The following IPCEF1 variants were observed in gnomAD, a reference collection of about 807,000 sequenced individuals.
IPCEF1 encodes interaction protein for cytohesin exchange factors 1, also known as interactor protein for cytohesin exchange factors 1.
IPCEF1 carries 31 observed loss-of-function variants against 50.9 expected under a neutral mutation model. The ratio of observed to expected loss-of-function variants is 0.61; its 90% CI spans 0.46 to 0.82. The LOEUF (loss-of-function observed/expected upper bound fraction) is 0.82, where lower values mean the gene tolerates loss of function less well. Among genes scored for constraint, IPCEF1 ranks in the 40% least tolerant of loss-of-function variants. The probability of loss-of-function intolerance (pLI) is 0.00; values close to 1 mark genes in which losing one functional copy is unlikely to be tolerated. For synonymous variants in IPCEF1, 181 were observed against 192.0 expected, an observed-to-expected ratio of 0.94 and a Z score of 0.47; for missense variants, 458 against 514.0, an observed-to-expected ratio of 0.89 and a Z score of 1.05.
At chr6:154,313,384 A>G (rs1287011581) in intron 1 of IPCEF1, among the ~76,000 whole-genome samples, 3 of 152,010 alleles carry the variant, frequency 2.0e-5, no homozygotes, top group Non-Finnish European at 2.9e-5. Context: ...CAAAAAAAAA[A>G]AGAAAAAGAA....
chr6:154,171,383 C>G (rs917863348), intron 10 of IPCEF1, among the ~76,000 whole-genome samples: 1 of 152,042 alleles, frequency 6.6e-6, no homozygotes, highest in Non-Finnish European at 1.5e-5. Context: ...CCACATATTG[C>G]GTGATTCCAT....
rs540045470 is a variant in IPCEF1, at chr6:154,217,829, G to A, written c.392+3428C>T. 3.9e-5 allele frequency among the ~76,000 whole-genome samples: 6 copies of A among 152,088 alleles called. No homozygotes were observed. In the South Asian group the frequency reaches 1.2e-3, roughly 32 times the overall value. ...AATAGGGAAAATATTTTTTTAAAGA[G>A]ACAAAAAAATTGTTTTCACTTGAGT... On this transcript the variant is annotated intron_variant, in intron 7 of 11. Transcript: ENST00000367220.
chr6:154,187,246 C>A (rs9479784), intron 10 of IPCEF1, among the ~76,000 whole-genome samples: 8,551 of 152,192 alleles, frequency 0.056, 284 homozygotes, highest in African/African-American at 0.065. Flanking sequence ...CCACCCCATA[C>A]CCCACCTCTG....
intron 1 of IPCEF1, among the ~76,000 whole-genome samples, chr6:154,342,864 G>A (rs1339983845): frequency 2.0e-5 from 3 of 152,216 alleles, no homozygotes; most frequent in African/African-American, 7.2e-5. Context: ...TGTAATCCCA[G>A]CACTTTGGGA....
chr6:154,294,269 A>C (rs1782582676), intron 1 of IPCEF1, among the ~76,000 whole-genome samples: 1 of 152,204 alleles, frequency 6.6e-6, no homozygotes, highest in East Asian at 1.9e-4. Flanking sequence ...CTAAGAAGCA[A>C]TTTATCTGCT....
intron 10 of IPCEF1, among the ~76,000 whole-genome samples, chr6:154,173,769 C>G (rs990033913): frequency 2.0e-4 from 30 of 152,196 alleles, no homozygotes; most frequent in Non-Finnish European, 3.5e-4. Context: ...TCCAGGAGAA[C>G]TTCCCCAACC....
chr6:154,250,080 T>G (rs1781299359), intron 3 of IPCEF1, among the ~76,000 whole-genome samples: 1 of 152,128 alleles, frequency 6.6e-6, no homozygotes, highest in Non-Finnish European at 1.5e-5. Context: ...GAGTTTCAGT[T>G]TCACCTAACA....
intron 5 of IPCEF1, among the ~76,000 whole-genome samples, chr6:154,240,337 G>C (rs1780480034): frequency 6.6e-6 from 1 of 152,184 alleles, no homozygotes. Flanking sequence ...AGCTGGGGGA[G>C]AAAGAATATA....
chr6:154,280,318 T>C (rs1209794577), intron 2 of IPCEF1, among the ~76,000 whole-genome samples: 2 of 152,166 alleles, frequency 1.3e-5, no homozygotes, highest in Non-Finnish European at 2.9e-5. Flanking sequence ...ATAATCCCAG[T>C]GCTTTGAGAG....
intron 7 of IPCEF1, among the ~76,000 whole-genome samples, chr6:154,214,855 G>A (rs1778257333): frequency 6.6e-6 from 1 of 152,070 alleles, no homozygotes; most frequent in Admixed American, 6.5e-5. Context: ...CCATTTTACT[G>A]GCAATGAATT....
intron 1 of IPCEF1, among the ~76,000 whole-genome samples, chr6:154,327,792 T>C (rs1783558531): frequency 6.6e-6 from 1 of 152,188 alleles, no homozygotes; most frequent in Admixed American, 6.5e-5. Context: ...GCAGCACTAT[T>C]CACAGTAGCA....
chr6:154,339,499 T>C (rs1429546653), intron 1 of IPCEF1, among the ~76,000 whole-genome samples: 1 of 151,886 alleles, frequency 6.6e-6, no homozygotes, highest in Non-Finnish European at 1.5e-5. Flanking sequence ...GGCCTCAAAC[T>C]CCAGGCCTCA....
rs558071371 is a variant in IPCEF1, at chr6:154,259,432, T to C, written c.36+6480A>G. ...TTTTGGGAGGCCAAGGCAGGAGGAT[T>C]ACCTGAGGTCAGGAGTTCAAGACCA... On this transcript the variant is annotated intron_variant, in intron 3 of 11. Coordinates refer to ENST00000367220, the MANE Select transcript of IPCEF1 (RefSeq NM_001130700.2). 3.4e-3 allele frequency among the ~76,000 whole-genome samples: 521 copies of C among 152,160 alleles called. 6 individuals carry two copies. Among genetic ancestry groups the C allele is most frequent in the African/African-American group, 0.012 (498 of 41,508 alleles).
chr6:154,312,420 C>T (rs1327029733), intron 1 of IPCEF1, among the ~76,000 whole-genome samples: 1 of 152,082 alleles, frequency 6.6e-6, no homozygotes, highest in Non-Finnish European at 1.5e-5. Flanking sequence ...GATCTCGGCT[C>T]ACTGTAACCT....
At chr6:154,196,251 T>C (rs1776617293) in intron 10 of IPCEF1, among the ~76,000 whole-genome samples, 1 of 152,212 alleles carries the variant, frequency 6.6e-6, no homozygotes, top group African/African-American at 2.4e-5. Context: ...GCATACTGCA[T>C]GATTCCAACA....
chr6:154,321,778 TAAAAAAAAAAAA>T (rs61648946), intron 1 of IPCEF1, among the ~76,000 whole-genome samples: 718 of 51,940 alleles, frequency 0.014, 10 homozygotes, highest in Middle Eastern at 0.038. Context: ...AGACTCTTTC[TAAAAAAAAAAAA>T]AAAAAAAAAA....
At chr6:154,343,282 G>A (rs539692682) in intron 1 of IPCEF1, among the ~76,000 whole-genome samples, 28 of 152,168 alleles carry the variant, frequency 1.8e-4, no homozygotes, top group African/African-American at 6.7e-4. Flanking sequence ...TCTTTTTGTT[G>A]AGCATTATGT....
intron 2 of IPCEF1, among the ~76,000 whole-genome samples, chr6:154,285,125 C>A (rs1269783554): frequency 1.3e-5 from 2 of 152,180 alleles, no homozygotes; most frequent in Non-Finnish European, 2.9e-5. Flanking sequence ...TTTCTTCAAG[C>A]TCTATTTAAA....
intron 7 of IPCEF1, 134 bp downstream of exon 7, chr6:154,221,123 G>T: frequency 1.5e-6 from 1 of 669,660 alleles, no homozygotes; most frequent in Non-Finnish European, 2.5e-6. Context: ...CATTGTAACT[G>T]CTAAATAAAT....
Sources: allele counts gnomAD v4.1 joint callset (sites outside exome capture counted in the v4.1 genomes callset), GRCh38; gene constraint gnomAD v4.1.1; transcripts MANE v1.5; gene names NCBI Gene and HGNC (gene_info 2026-07-23, HGNC 2026-07-21).